Variants in DMXL1 observed in about 807,000 individuals in gnomAD.
The protein encoded by DMXL1 is Dmx like 1.
Under a neutral mutation model 319.2 loss-of-function variants are expected in DMXL1, and 99 were observed. The ratio of observed to expected loss-of-function variants is 0.31; its 90% CI spans 0.26 to 0.37. The LOEUF (loss-of-function observed/expected upper bound fraction) is 0.37, where lower values mean the gene tolerates loss of function less well. DMXL1 is among the 10% of genes least tolerant of loss of function. The pLI is 1.00. For missense variants in DMXL1, 3,745 were observed against 3,595.6 expected (o/e 1.04, Z -1.06); for synonymous variants, 1,385 against 1,235.2 (o/e 1.12, Z -2.54).
At chr5:119,122,544 G>C (rs1382597400) in intron 9 of DMXL1, among the ~76,000 whole-genome samples, 1 of 151,414 alleles carries the variant, frequency 6.6e-6, no homozygotes, top group Non-Finnish European at 1.5e-5. Context: ...TCACTTCTCA[G>C]ATGGGGCGGC....
At chr5:119,090,619 A>G (rs999946024) in intron 1 of DMXL1, among the ~76,000 whole-genome samples, 4 of 147,334 alleles carry the variant, frequency 2.7e-5, no homozygotes, top group East Asian at 2.0e-4. Flanking sequence ...CTGGGGTGCA[A>G]TGGCGCGATC....
intron 9 of DMXL1, chr5:119,127,418 G>T (rs989090048): frequency 1.4e-5 from 2 of 143,450 alleles, no homozygotes; most frequent in African/African-American, 5.2e-5. Flanking sequence ...ATAGCTGGTT[G>T]TCCAGGATAG....
chr5:119,120,044 C>G (rs1240061438), intron 8 of DMXL1, among the ~76,000 whole-genome samples: 2 of 151,908 alleles, frequency 1.3e-5, no homozygotes, highest in Non-Finnish European at 2.9e-5. Context: ...CCACGCCTGG[C>G]TAATTTTTGT....
Position 119,105,116 on chromosome 5 carries a change from C to T in DMXL1, c.286-64C>T, listed in dbSNP as rs1271105063. 11 of 1,031,920 alleles carry T rather than the reference C, an allele frequency of 1.1e-5. No individual in the cohort carries two copies. In the Admixed American group the frequency reaches 1.7e-4, roughly 16 times the overall value. The allele number at this position is 1,031,920 out of a possible 1,614,324, so 63.9% of individuals were successfully genotyped here. The stretch of plus-strand genomic sequence containing the variant: ...TTATTGTAAGAATAACAAGCATAAA[C>T]GTACACATTTGACAGAGAAAATATG... On this transcript the variant is annotated intron_variant, in intron 3 of 43. Coordinates refer to ENST00000539542, the MANE Select transcript of DMXL1 (RefSeq NM_001290321.3).
intron 2 of DMXL1, among the ~76,000 whole-genome samples, chr5:119,099,223 GT>G (rs1756691669): frequency 6.9e-6 from 1 of 145,800 alleles, no homozygotes; most frequent in African/African-American, 2.5e-5. Flanking sequence ...TTTGTTTTTT[GT>G]TTTTCAGATG....
intron 39 of DMXL1, among the ~76,000 whole-genome samples, chr5:119,234,430 C>T (rs768239270): frequency 3.9e-5 from 6 of 152,182 alleles, no homozygotes; most frequent in Non-Finnish European, 8.8e-5. Flanking sequence ...CCCTCAGCCT[C>T]CCTCACACAT....
intron 10 of DMXL1, chr5:119,132,757 C>CA: frequency 1.9e-6 from 1 of 538,568 alleles, no homozygotes; most frequent in South Asian, 1.4e-5. Context: ...CTATGAAACT[C>CA]ACCACCAAAG....
intron 26 of DMXL1, among the ~76,000 whole-genome samples, chr5:119,176,457 T>A (rs866111012): frequency 3.1e-4 from 47 of 152,066 alleles, no homozygotes; most frequent in African/African-American, 8.7e-4. Flanking sequence ...GAATTCACTT[T>A]CTTATTATTT....
intron 19 of DMXL1, among the ~76,000 whole-genome samples, chr5:119,156,300 C>G (rs186169842): frequency 2.6e-5 from 4 of 152,208 alleles, no homozygotes; most frequent in African/African-American, 9.6e-5. Context: ...GGTATGTACA[C>G]TCATTTTAGA....
rs556308875 is a variant in DMXL1, at chr5:119,172,182, A to AT, written c.6681+219dup. Among the ~76,000 whole-genome samples, 517 of 152,242 alleles carry AT rather than the reference A, an allele frequency of 3.4e-3. 3 individuals are homozygous for AT. The highest frequency in any genetic ancestry group is 0.012 in the African/African-American group (509 of 41,556). On this transcript the variant is annotated intron_variant, in intron 25 of 43. Transcript: ENST00000539542. ...TACTTACACCCGGTAGAGTTCTTGAATTTTTTATCACAATGCCTAGTTATT... is the reference window on the plus strand; with the variant it reads ...TACTTACACCCGGTAGAGTTCTTGAATTTTTTTATCACAATGCCTAGTTATT...
chr5:119,130,664 C>G (rs1764667565), intron 10 of DMXL1, among the ~76,000 whole-genome samples: 1 of 152,046 alleles, frequency 6.6e-6, no homozygotes, highest in African/African-American at 2.4e-5. Context: ...TTAATTCAGT[C>G]AGTAATGGGC....
intron 40 of DMXL1, 42 bp downstream of exon 40, chr5:119,237,456 C>T (rs913577881): frequency 1.6e-6 from 2 of 1,247,624 alleles, no homozygotes; most frequent in Non-Finnish European, 2.3e-6. Flanking sequence ...TTTGAATTTT[C>T]ATTTTAAATA....
intron 9 of DMXL1, among the ~76,000 whole-genome samples, chr5:119,128,874 G>A (rs1405626353): frequency 6.6e-6 from 1 of 152,062 alleles, no homozygotes; most frequent in Admixed American, 6.6e-5. Context: ...GACCATCTTG[G>A]CCAGCGTGGT....
rs572931878 is a variant in DMXL1, at chr5:119,071,788, C to T, written c.87+132C>T. On this transcript the variant is annotated intron_variant, in intron 1 of 43. Transcript: ENST00000539542. ...AGGGGGGTCCTTACCACCCAGAACC[C>T]AGCAGACCTGGCCCTTGAGAACTAA... 4 of 738,104 alleles carry T rather than the reference C, an allele frequency of 5.4e-6. No homozygotes were observed. The African/African-American group carries it at 5.5e-5, about 10-fold the overall frequency. 45.7% of individuals were successfully genotyped at this position (738,104 alleles called of 1,614,324 possible). A position where few individuals can be genotyped will look rare whatever the true frequency, so the allele number is the denominator to read the frequency against.
At chr5:119,204,793 C>T (rs1781469800) in intron 33 of DMXL1, among the ~76,000 whole-genome samples, 1 of 152,148 alleles carries the variant, frequency 6.6e-6, no homozygotes, top group Non-Finnish European at 1.5e-5. Context: ...AGTCTGAAAG[C>T]AAGCTTTGTA....
intron 38 of DMXL1, among the ~76,000 whole-genome samples, chr5:119,227,561 A>G (rs982601599): frequency 6.6e-6 from 1 of 152,044 alleles, no homozygotes; most frequent in African/African-American, 2.4e-5. Flanking sequence ...ACTCTTCTGT[A>G]AGGCAACCAT....
At chr5:119,147,957 C>T (rs1768955411) in intron 17 of DMXL1, among the ~76,000 whole-genome samples, 1 of 152,228 alleles carries the variant, frequency 6.6e-6, no homozygotes, top group East Asian at 1.9e-4. Flanking sequence ...GTTACTGAAT[C>T]TCAGACTCTG....
At chr5:119,100,914 G>A (rs1387286158) in intron 2 of DMXL1, among the ~76,000 whole-genome samples, 2 of 150,854 alleles carry the variant, frequency 1.3e-5, no homozygotes, top group Non-Finnish European at 3.0e-5. Flanking sequence ...CGAGTAGCTG[G>A]GACTACAGGC....
intron 38 of DMXL1, among the ~76,000 whole-genome samples, 184 bp downstream of exon 38, chr5:119,224,953 G>A (rs896001834): frequency 6.6e-6 from 1 of 151,878 alleles, no homozygotes; most frequent in African/African-American, 2.4e-5. Context: ...AATAGAAAAA[G>A]ATATTTCCCT....
Sources: allele counts gnomAD v4.1 joint callset (sites outside exome capture counted in the v4.1 genomes callset), GRCh38; gene constraint gnomAD v4.1.1; transcripts MANE v1.5; gene names NCBI Gene and HGNC (gene_info 2026-07-23, HGNC 2026-07-21).